SERAC1: variants seen among roughly 807,000 people sequenced by gnomAD.
The protein encoded by SERAC1 is protein SERAC1.
Under a neutral mutation model 85.7 loss-of-function variants are expected in SERAC1, and 36 were observed. The observed-to-expected ratio is 0.42, with a 90% CI of 0.32 to 0.55. The LOEUF is 0.55. Ranked by LOEUF, SERAC1 falls within the 20% of genes least tolerant of loss-of-function variation. The pLI, the probability that SERAC1 is intolerant of heterozygous loss-of-function variation, is 0.11. For missense variants in SERAC1, 629 were observed against 796.2 expected (o/e 0.79, Z 2.53); for synonymous variants, 242 against 265.3 (o/e 0.91, Z 0.85).
chr6:158,130,315 A>G, intron 9 of SERAC1, 58 bp downstream of exon 9: 12 of 959,846 alleles, frequency 1.3e-5, no homozygotes, highest in Non-Finnish European at 1.7e-5. Flanking sequence ...AAATCAACCT[A>G]TATAATTATT....
At chr6:158,116,071 G>A (rs1451967635) in intron 14 of SERAC1, 114 bp downstream of exon 14, 17 of 752,076 alleles carry the variant, frequency 2.3e-5, no homozygotes, top group Admixed American at 4.5e-5. Context: ...TTTAGCAGGG[G>A]GGGTAAGGGA....
chr6:158,122,740 A>G (rs1370813771), intron 10 of SERAC1, among the ~76,000 whole-genome samples: 1 of 152,204 alleles, frequency 6.6e-6, no homozygotes, highest in African/African-American at 2.4e-5. Flanking sequence ...AGATAGCGCC[A>G]CTGCACTCCA....
At chr6:158,121,788 G>A (rs149274176) in intron 10 of SERAC1, among the ~76,000 whole-genome samples, 8 of 152,012 alleles carry the variant, frequency 5.3e-5, no homozygotes, top group East Asian at 1.9e-4. Context: ...ATGAAAATAC[G>A]GCTTTATTTT....
At chr6:158,160,454 CT>C (rs757767975) in intron 1 of SERAC1, among the ~76,000 whole-genome samples, 8 of 152,132 alleles carry the variant, frequency 5.3e-5, no homozygotes, top group Non-Finnish European at 1.2e-4. Flanking sequence ...AAACTTAGTA[CT>C]TTTTTCCTTT....
chr6:158,125,320 C>A (rs1784514081), intron 10 of SERAC1, among the ~76,000 whole-genome samples: 1 of 152,028 alleles, frequency 6.6e-6, no homozygotes, highest in South Asian at 2.1e-4. Context: ...ATTTTAAATT[C>A]AAAAATTTTT....
intron 9 of SERAC1, among the ~76,000 whole-genome samples, chr6:158,129,836 C>T (rs34681996): frequency 0.16 from 24,196 of 151,946 alleles, 2,357 homozygotes; most frequent in Middle Eastern, 0.3. Context: ...GCTGGGATTA[C>T]AGGTGCGCAC....
In SERAC1 at chr6:158,129,326, C is replaced by A. The variant is rs183574530; in HGVS notation, c.852+1047G>T. Among the ~76,000 whole-genome samples the A allele has an allele frequency of 1.3e-3, 200 of 152,270 alleles. 1 individual carries two copies. Among genetic ancestry groups the A allele is most frequent in the African/African-American group, 4.6e-3 (192 of 41,544 alleles). Reference sequence around the variant, plus strand: ...TGACTTTCTACACATGGCTTTTAAGCCATGTCCAATGTGTCCCAAAACTGA... The same window carrying A: ...TGACTTTCTACACATGGCTTTTAAGACATGTCCAATGTGTCCCAAAACTGA... On this transcript the variant is annotated intron_variant, in intron 9 of 16. Coordinates refer to ENST00000647468, the MANE Select transcript of SERAC1 (RefSeq NM_032861.4).
chr6:158,129,549 G>A (rs917604475), intron 9 of SERAC1, among the ~76,000 whole-genome samples: 9 of 152,278 alleles, frequency 5.9e-5, no homozygotes, highest in African/African-American at 2.2e-4. Flanking sequence ...TGCACTATGA[G>A]CACTACAAGG....
At chr6:158,111,893 G>A (rs1784151576) in intron 16 of SERAC1, 2 of 158,488 alleles carry the variant, frequency 1.3e-5, no homozygotes, top group African/African-American at 4.8e-5. Context: ...GTCTCACATG[G>A]GATCCATTCT....
At chr6:158,115,539 C>T (rs983355027) in intron 14 of SERAC1, among the ~76,000 whole-genome samples, 1 of 152,222 alleles carries the variant, frequency 6.6e-6, no homozygotes, top group African/African-American at 2.4e-5. Context: ...ACCTTTGTCT[C>T]AGCAAAAATC....
intron 1 of SERAC1, among the ~76,000 whole-genome samples, chr6:158,167,845 C>T (rs980443756): frequency 1.3e-5 from 2 of 152,156 alleles, no homozygotes; most frequent in Admixed American, 6.5e-5. Context: ...TCCTCCTCCT[C>T]CTCATCTCTC....
At chr6:158,145,076 T>G (rs1396935109) in intron 6 of SERAC1, among the ~76,000 whole-genome samples, 1 of 152,106 alleles carries the variant, frequency 6.6e-6, no homozygotes, top group East Asian at 1.9e-4. Flanking sequence ...AAACCCTGTC[T>G]CTACTAAAAA....
intron 15 of SERAC1, 32 bp from the exon 16 acceptor site, chr6:158,113,624 A>G: frequency 6.4e-7 from 1 of 1,569,364 alleles, no homozygotes; most frequent in Non-Finnish European, 8.7e-7. Flanking sequence ...GACTGTGACA[A>G]GTTGTTTACC....
At chr6:158,162,293 TGA>T (rs1422976797) in intron 1 of SERAC1, 1 of 149,848 alleles carries the variant, frequency 6.7e-6, no homozygotes, top group Non-Finnish European at 1.5e-5. Flanking sequence ...AAATATCACA[TGA>T]GTTAATATAT....
chr6:158,123,158 A>G (rs758997225), intron 10 of SERAC1, among the ~76,000 whole-genome samples: 3 of 152,212 alleles, frequency 2.0e-5, no homozygotes, highest in Non-Finnish European at 4.4e-5. Flanking sequence ...AAAAGAAGGT[A>G]TATGTAGGTA....
Position 158,117,540 on chromosome 6 carries a change from T to C in SERAC1, c.1403+187A>G. ...CACCATTGGTGATATACCTAAGCCTTCTACTATTCCACTGCTTATTGACAG... is the reference window on the plus strand; with the variant it reads ...CACCATTGGTGATATACCTAAGCCTCCTACTATTCCACTGCTTATTGACAG... On this transcript the variant is annotated intron_variant, in intron 13 of 16. Transcript: ENST00000647468. The surrounding 1 kb of genome is among the most constrained non-coding windows in gnomAD (Gnocchi z 4.3). 1 of 1,550,740 alleles carries C rather than the reference T, an allele frequency of 6.4e-7. No individual in the cohort carries two copies. The highest frequency in any genetic ancestry group is 8.7e-7 in the Non-Finnish European group (1 of 1,146,970).
intron 8 of SERAC1, among the ~76,000 whole-genome samples, chr6:158,133,100 C>T (rs1179105682): frequency 1.3e-5 from 2 of 151,982 alleles, no homozygotes; most frequent in African/African-American, 4.8e-5. Context: ...TGAGCCCAGG[C>T]GTTCAAGACC....
chr6:158,133,784 T>G (rs1165559446), intron 8 of SERAC1, among the ~76,000 whole-genome samples: 1 of 152,146 alleles, frequency 6.6e-6, no homozygotes, highest in Non-Finnish European at 1.5e-5. Context: ...AAGCAAGAGT[T>G]TTTAACAAGG....
Position 158,168,213 on chromosome 6 carries a change from G to C in SERAC1, c.-75C>G, listed in dbSNP as rs1785658162. The C allele has an allele frequency of 6.6e-6, 1 of 152,202 alleles. No individual in the cohort carries two copies. The highest frequency in any genetic ancestry group is 2.4e-5 in the African/African-American group (1 of 41,414). The allele number at this position is 152,202 out of a possible 1,614,324, so 9.4% of individuals were successfully genotyped here. On this transcript the variant is annotated 5_prime_UTR_variant, in exon 1 of 17. Coordinates refer to ENST00000647468, the MANE Select transcript of SERAC1 (RefSeq NM_032861.4). ...TTGTCTGGGGAGCCCTACTCTTTCC[G>C]CGGCTCCCGGCCGGGACCCTCCACC...
Sources: gnomAD v4.1 joint callset for allele counts (sites outside exome capture counted in the v4.1 genomes callset) on GRCh38, gnomAD v4.1.1 for gene constraint, Gnocchi (gnomAD v3.1) non-coding constraint, MANE v1.5 for transcripts, NCBI Gene and HGNC (gene_info 2026-07-23, HGNC 2026-07-21) for gene names.